FGF12: variants seen among roughly 807,000 people sequenced by gnomAD.
The protein encoded by FGF12 is fibroblast growth factor 12B.
In FGF12, 14 loss-of-function variants were observed where a neutral mutation model predicts 23.6. The ratio of observed to expected loss-of-function variants is 0.59; its 90% CI spans 0.39 to 0.93. The LOEUF is 0.93. Ranked by LOEUF, FGF12 falls within the 40% of genes least tolerant of loss-of-function variation. FGF12 has a pLI of 0.00. For synonymous variants in FGF12, 62 were observed against 77.3 expected (o/e 0.80, Z 1.04); for missense variants, 175 against 217.8 (o/e 0.80, Z 1.24).
Position 192,154,446 on chromosome 3 carries a change from T to C in FGF12, c.428-10319A>G, listed in dbSNP as rs1212924331. Among the ~76,000 whole-genome samples the C allele has an allele frequency of 1.6e-5, 2 of 122,384 alleles. 1 individual carries two copies. Among genetic ancestry groups the C allele is most frequent in the Non-Finnish European group, 3.6e-5 (2 of 55,662 alleles). The allele number at this position is 122,384 out of a possible 152,430, so 80.3% of individuals were successfully genotyped here. A position where few individuals can be genotyped will look rare whatever the true frequency, so the allele number is the denominator to read the frequency against. On this transcript the variant is annotated intron_variant, in intron 5 of 5. Coordinates refer to ENST00000445105, the MANE Select transcript of FGF12 (RefSeq NM_004113.6). ...TGTTTTTTCCCCATTTTTGTGGTTT[T>C]ATCTACTTTTGGTCTTTGATGATGG...
intron 2 of FGF12, among the ~76,000 whole-genome samples, chr3:192,636,766 G>A (rs948894290): frequency 7.2e-5 from 11 of 152,216 alleles, no homozygotes; most frequent in African/African-American, 2.7e-4. Context: ...GCACTCAGGA[G>A]AGCAACAGCG....
intron 2 of FGF12, among the ~76,000 whole-genome samples, chr3:192,390,690 A>G (rs771906050): frequency 3.9e-5 from 6 of 152,170 alleles, no homozygotes; most frequent in Non-Finnish European, 8.8e-5. Context: ...CTCAGTTAGT[A>G]CCTGATGAAT....
At chr3:192,220,191 T>C (rs1417671699) in intron 4 of FGF12, among the ~76,000 whole-genome samples, 2 of 152,128 alleles carry the variant, frequency 1.3e-5, no homozygotes, top group African/African-American at 2.4e-5. Context: ...GCAAGCCAAG[T>C]CATAAACTCA....
chr3:192,190,051 G>T (rs1312626122), intron 4 of FGF12, among the ~76,000 whole-genome samples: 2 of 152,058 alleles, frequency 1.3e-5, no homozygotes. Flanking sequence ...AAGCACTTAA[G>T]GTATGGCACA....
At position 192,657,207 on chromosome 3, in the gene FGF12, G is replaced by A. The variant is rs546435593; in HGVS notation, c.13+69974C>T. The stretch of plus-strand genomic sequence containing the variant: ...TGAACTTTATTTGATATAACGTATT[G>A]AACATAATTTAATCTTCCCTTAACA... On this transcript the variant is annotated intron_variant, in intron 2 of 5. Coordinates refer to ENST00000445105, the MANE Select transcript of FGF12 (RefSeq NM_004113.6). Among the ~76,000 whole-genome samples the A allele has an allele frequency of 3.0e-4, 45 of 151,514 alleles. 1 individual carries two copies. In the South Asian group the frequency reaches 8.8e-3, roughly 30 times the overall value.
At chr3:192,633,689 C>T (rs1046930177) in intron 2 of FGF12, among the ~76,000 whole-genome samples, 12 of 152,200 alleles carry the variant, frequency 7.9e-5, no homozygotes, top group South Asian at 2.1e-4. Context: ...CTTCATTCAA[C>T]TTCTTTTAAT....
intron 2 of FGF12, among the ~76,000 whole-genome samples, chr3:192,629,131 T>G (rs909475253): frequency 1.3e-5 from 2 of 152,246 alleles, no homozygotes; most frequent in Non-Finnish European, 2.9e-5. Flanking sequence ...AGGAAGAATC[T>G]GTAAATTATT....
At chr3:192,488,441 C>T (rs543422709) in intron 2 of FGF12, among the ~76,000 whole-genome samples, 17 of 152,148 alleles carry the variant, frequency 1.1e-4, no homozygotes, top group African/African-American at 3.4e-4. Flanking sequence ...ACTTCTTGGA[C>T]GGAAAAGACA....
intron 4 of FGF12, among the ~76,000 whole-genome samples, chr3:192,291,784 A>T (rs1448955004): frequency 6.6e-6 from 1 of 152,168 alleles, no homozygotes; most frequent in Non-Finnish European, 1.5e-5. Flanking sequence ...ATAGAAATAC[A>T]TTCTTTCTAT....
intron 4 of FGF12, among the ~76,000 whole-genome samples, chr3:192,201,801 T>C (rs560238482): frequency 1.3e-5 from 2 of 152,334 alleles, no homozygotes; most frequent in African/African-American, 2.4e-5. Context: ...TTCTTCATAA[T>C]AGAAGAGCAA....
intron 4 of FGF12, among the ~76,000 whole-genome samples, chr3:192,237,264 A>T (rs1719351816): frequency 6.6e-6 from 1 of 151,832 alleles, no homozygotes; most frequent in African/African-American, 2.4e-5. Context: ...TGTCTTTAAG[A>T]TTTTTTTCTT....
At chr3:192,539,507 A>C (rs1725312983) in intron 2 of FGF12, among the ~76,000 whole-genome samples, 1 of 152,086 alleles carries the variant, frequency 6.6e-6, no homozygotes, top group African/African-American at 2.4e-5. Context: ...GGTCATGATG[A>C]ATGATCTTTT....
At chr3:192,592,662 T>C (rs1188714608) in intron 2 of FGF12, among the ~76,000 whole-genome samples, 2 of 151,832 alleles carry the variant, frequency 1.3e-5, no homozygotes, top group East Asian at 3.9e-4. Flanking sequence ...ATAGTTGTCC[T>C]TGCAGAAAAA....
At chr3:192,315,699 T>C (rs1336334001) in intron 4 of FGF12, among the ~76,000 whole-genome samples, 2 of 152,174 alleles carry the variant, frequency 1.3e-5, no homozygotes, top group African/African-American at 2.4e-5. Context: ...GACTGGGGTA[T>C]AGAACAGCAA....
At chr3:192,182,938 A>G (rs1006743855) in intron 4 of FGF12, among the ~76,000 whole-genome samples, 2 of 152,194 alleles carry the variant, frequency 1.3e-5, no homozygotes, top group African/African-American at 4.8e-5. Context: ...TGGGGAAGAA[A>G]CAACTCCAGA....
chr3:192,535,308 C>G (rs982441222), intron 2 of FGF12, among the ~76,000 whole-genome samples: 1 of 152,112 alleles, frequency 6.6e-6, no homozygotes, highest in Non-Finnish European at 1.5e-5. Flanking sequence ...TCCATATATC[C>G]ATAGGGAAAA....
Position 192,180,704 on chromosome 3 carries a change from T to TC in FGF12, c.229-10049_229-10048insG, listed in dbSNP as rs967509995. Among the ~76,000 whole-genome samples the TC allele has an allele frequency of 7.2e-5, 11 of 152,338 alleles. No homozygotes were observed. The East Asian group carries it at 9.6e-4, about 13-fold the overall frequency. On this transcript the variant is annotated intron_variant, in intron 4 of 5. Coordinates refer to ENST00000445105, the MANE Select transcript of FGF12 (RefSeq NM_004113.6). The stretch of plus-strand genomic sequence containing the variant: ...AATTTCCTAACTTTTAAAACTTCTG[T>TC]ATCAACTCCCATGAAGTCAAACTAA...
intron 2 of FGF12, among the ~76,000 whole-genome samples, chr3:192,524,806 T>C (rs1034029643): frequency 6.6e-6 from 1 of 152,158 alleles, no homozygotes; most frequent in Admixed American, 6.5e-5. Flanking sequence ...AAGAAGAGGC[T>C]ATATGTACTA....
intron 4 of FGF12, among the ~76,000 whole-genome samples, chr3:192,187,043 T>G (rs1716510173): frequency 6.6e-6 from 1 of 152,212 alleles, no homozygotes; most frequent in Admixed American, 6.5e-5. Context: ...CTCACTACTG[T>G]TTCTGTTCTC....
Sources: gnomAD v4.1 joint callset for allele counts (sites outside exome capture counted in the v4.1 genomes callset) on GRCh38, gnomAD v4.1.1 for gene constraint, MANE v1.5 for transcripts, NCBI Gene and HGNC (gene_info 2026-07-23, HGNC 2026-07-21) for gene names.